Variants in C1orf94 observed in about 807,000 individuals in gnomAD.
C1orf94 encodes the protein chromosome 1 open reading frame 94.
In C1orf94, 45 loss-of-function variants were observed where a neutral mutation model predicts 53.6. The observed-to-expected ratio is 0.84, with a 90% CI of 0.66 to 1.08. The LOEUF (loss-of-function observed/expected upper bound fraction) is 1.08, where lower values mean the gene tolerates loss of function less well. C1orf94 is among the 50% of genes least tolerant of loss of function. The probability of loss-of-function intolerance (pLI) is 0.00; values close to 1 mark genes in which losing one functional copy is unlikely to be tolerated. For synonymous variants in C1orf94, 304 were observed against 296.1 expected (o/e 1.03, Z -0.27); for missense variants, 762 against 738.9 (o/e 1.03, Z -0.36).
chr1:34,202,096 T>C lies in C1orf94; in HGVS notation c.1283T>C (p.Val428Ala). Reference sequence around the variant, plus strand: ...CTGTGACTTGCAGTTAACGCACCTGTGACGGTTGCTGACAAGAACAACCCG... The same window carrying C: ...CTGTGACTTGCAGTTAACGCACCTGCGACGGTTGCTGACAAGAACAACCCG... ...DGPELKFNAPVTVADKNNPKY... is the reference protein window; with the variant it reads ...DGPELKFNAPATVADKNNPKY... The change falls in exon 4 of 7, where the codon GTG (valine) becomes GCG (alanine). Residue 428 changes from valine to alanine, a missense_variant. Physicochemically the swap from Val to Ala is moderately conservative, Grantham distance 64. Coordinates refer to ENST00000488417, the MANE Select transcript of C1orf94 (RefSeq NM_001134734.2). 6.2e-7 allele frequency: 1 copy of C among 1,613,698 alleles called. No individual in the cohort carries two copies. Among genetic ancestry groups the C allele is most frequent in the Non-Finnish European group, 8.5e-7 (1 of 1,179,816 alleles).
upstream of C1orf94, among the ~76,000 whole-genome samples, chr1:34,172,998 A>G (rs1642170699): frequency 6.6e-6 from 1 of 152,266 alleles, no homozygotes; most frequent in Non-Finnish European, 1.5e-5. Context: ...TGAGTCCTAA[A>G]TATTTTATGA....
In C1orf94 at chr1:34,200,821, T is replaced by A; in HGVS notation, c.1059T>A (p.Phe353Leu). ...KEPKKGQGSLFLSQWPQSQKD... is the reference protein window; with the variant it reads ...KEPKKGQGSLLLSQWPQSQKD... ...CAAAAAAGGGTCAAGGGAGCCTCTT[T>A]CTCAGCCAGTGGCCCCAGAGCCAGA... Residue 353 changes from phenylalanine (F) to leucine (L), a missense_variant, in exon 3 of 7, where the codon TTT (phenylalanine) becomes TTA (leucine). Physicochemically the swap from Phe to Leu is conservative, Grantham distance 22 (BLOSUM62 0). Transcript: ENST00000488417. The A allele has an allele frequency of 6.2e-7, 1 of 1,614,054 alleles. No individual in the cohort carries two copies. The highest frequency in any genetic ancestry group is 8.5e-7 in the Non-Finnish European group (1 of 1,179,986).
At chr1:34,214,534 C>G (rs540219518) in intron 6 of C1orf94, among the ~76,000 whole-genome samples, 1 of 152,308 alleles carries the variant, frequency 6.6e-6, no homozygotes, top group East Asian at 1.9e-4. Context: ...GACAAGCCCC[C>G]TGCAGGTTGG....
Position 34,212,434 on chromosome 1 carries a change from G to C in C1orf94, c.1721+28G>C, listed in dbSNP as rs756938834. 9 of 1,584,028 alleles carry C rather than the reference G, an allele frequency of 5.7e-6. No individual in the cohort carries two copies. The African/African-American group carries it at 1.2e-4, about 22-fold the overall frequency. On this transcript the variant is annotated intron_variant, in intron 6 of 6. Coordinates refer to ENST00000488417, the MANE Select transcript of C1orf94 (RefSeq NM_001134734.2). ...GAGTCAGCCCACACTGGGAGCCTAA[G>C]GGTATCCAGAAAGCTGGTGGGAACG...
upstream of C1orf94, among the ~76,000 whole-genome samples, chr1:34,176,144 G>A (rs1557475034): frequency 6.6e-6 from 1 of 152,028 alleles, no homozygotes; most frequent in Non-Finnish European, 1.5e-5. Flanking sequence ...AGTACTGGGG[G>A]AATTATGAAT....
chr1:34,193,051 A>G (rs574120184), intron 1 of C1orf94, among the ~76,000 whole-genome samples: 5 of 152,292 alleles, frequency 3.3e-5, no homozygotes, highest in African/African-American at 9.6e-5. Flanking sequence ...GTTTTCTAGA[A>G]TAAATAAGAA....
At chr1:34,167,662 A>G (rs897939213) in intron 1 of C1orf94, among the ~76,000 whole-genome samples, 1 of 151,186 alleles carries the variant, frequency 6.6e-6, no homozygotes, top group South Asian at 2.1e-4. Flanking sequence ...CCCTGCAGAG[A>G]TGCACAGTGT....
chr1:34,187,058 C>G (rs1277898755), intron 1 of C1orf94, among the ~76,000 whole-genome samples: 2 of 152,122 alleles, frequency 1.3e-5, no homozygotes, highest in Non-Finnish European at 1.5e-5. Context: ...ATCAATAGCT[C>G]AAGACATTGC....
At chr1:34,176,719 C>G (rs1237463083), upstream of C1orf94, among the ~76,000 whole-genome samples, 1 of 152,158 alleles carries the variant, frequency 6.6e-6, no homozygotes, top group Non-Finnish European at 1.5e-5. Context: ...CATAAAATGG[C>G]AGTTAGGATT....
intron 1 of C1orf94, among the ~76,000 whole-genome samples, chr1:34,182,128 G>A (rs565134166): frequency 1.3e-5 from 2 of 152,310 alleles, no homozygotes; most frequent in African/African-American, 4.8e-5. Flanking sequence ...CAGGAAAGTC[G>A]AGGCTGCAAT....
chr1:34,184,370 G>A (rs142550707), intron 1 of C1orf94, among the ~76,000 whole-genome samples: 1 of 152,258 alleles, frequency 6.6e-6, no homozygotes, highest in Non-Finnish European at 1.5e-5. Context: ...CGAGCTTGCT[G>A]GGTGTGGTTG....
intron 5 of C1orf94, among the ~76,000 whole-genome samples, chr1:34,210,899 C>A (rs1209186864): frequency 6.6e-6 from 1 of 152,072 alleles, no homozygotes; most frequent in South Asian, 2.1e-4. Context: ...GTGATCCACC[C>A]ACCTCGTCCT....
Position 34,218,954 on chromosome 1 carries a change from G to A in C1orf94, c.*193G>A, listed in dbSNP as rs1643038128. The A allele has an allele frequency of 2.6e-6, 1 of 392,136 alleles. No homozygotes were observed. The allele number at this position is 392,136 out of a possible 1,614,324, so 24.3% of individuals were successfully genotyped here. A position where few individuals can be genotyped will look rare whatever the true frequency, so the allele number is the denominator to read the frequency against. On this transcript the variant is annotated 3_prime_UTR_variant, in exon 7 of 7. Transcript: ENST00000488417. ...ATAGCCCTCCTCACACATGGCACAA[G>A]CTACACACACACACACACACATGAC...
Position 34,181,648 on chromosome 1 carries a change from A to G in C1orf94, c.320+3539A>G, listed in dbSNP as rs76044882. Among the ~76,000 whole-genome samples the G allele has an allele frequency of 2.0e-3, 307 of 152,366 alleles. 2 individuals carry two copies. The highest frequency in any genetic ancestry group is 6.8e-3 in the Middle Eastern group (2 of 294). Reference sequence around the variant, plus strand: ...AAAGAAGCAAGTAAATACAAAAGCTATGATATCTTCAGAATGTGAAAAGAA... The same window carrying G: ...AAAGAAGCAAGTAAATACAAAAGCTGTGATATCTTCAGAATGTGAAAAGAA... On this transcript the variant is annotated intron_variant, in intron 1 of 6. Coordinates refer to ENST00000488417, the MANE Select transcript of C1orf94 (RefSeq NM_001134734.2).
intron 1 of C1orf94, among the ~76,000 whole-genome samples, chr1:34,185,861 T>A (rs1355079863): frequency 2.6e-5 from 4 of 152,204 alleles, no homozygotes. Flanking sequence ...CCTGCCTCCA[T>A]CTCTAGATGC....
intron 1 of C1orf94, among the ~76,000 whole-genome samples, chr1:34,192,265 G>C (rs1185082698): frequency 1.3e-5 from 2 of 152,192 alleles, no homozygotes; most frequent in Non-Finnish European, 2.9e-5. Context: ...TGAGCCCCAA[G>C]GTGATTACTC....
chr1:34,197,932 G>T lies in C1orf94; in HGVS notation c.1009+19G>T. ...TTGATGGGTGAGTGGGGTTGGAACT[G>T]GGGTAGAGTGGGCCTGCAAGGAGGA... is the stretch of plus-strand genomic sequence containing the variant. On this transcript the variant is annotated intron_variant, in intron 2 of 6. Coordinates refer to ENST00000488417, the MANE Select transcript of C1orf94 (RefSeq NM_001134734.2). This position sits in a 1 kb window ranked among gnomAD's most constrained non-coding sequence, Gnocchi z 4.1. 6.3e-7 allele frequency: 1 copy of T among 1,594,170 alleles called. No individual in the cohort carries two copies. Among genetic ancestry groups the T allele is most frequent in the Non-Finnish European group, 8.6e-7 (1 of 1,169,364 alleles).
upstream of C1orf94, among the ~76,000 whole-genome samples, chr1:34,175,419 ATCAG>A: frequency 6.6e-6 from 1 of 152,172 alleles, no homozygotes; most frequent in East Asian, 1.9e-4. Flanking sequence ...TTAATATTTC[ATCAG>A]AAATGATCAC....
intron 1 of C1orf94, among the ~76,000 whole-genome samples, chr1:34,180,008 A>G (rs937211033): frequency 2.6e-5 from 4 of 152,226 alleles, no homozygotes; most frequent in Non-Finnish European, 4.4e-5. Context: ...TTGTCAACCA[A>G]ATAGAACACA....
Sources: gnomAD v4.1 joint callset for allele counts (sites outside exome capture counted in the v4.1 genomes callset) on GRCh38, gnomAD v4.1.1 for gene constraint, Gnocchi (gnomAD v3.1) non-coding constraint, MANE v1.5 for transcripts, NCBI Gene and HGNC (gene_info 2026-07-23, HGNC 2026-07-21) for gene names.